The following IQGAP2 variants were observed in gnomAD, a reference collection of about 807,000 sequenced individuals.
IQGAP2 encodes the protein ras GTPase-activating-like protein IQGAP2.
A neutral mutation model predicts 201.3 loss-of-function variants in IQGAP2; 173 were observed. That is an observed-to-expected ratio of 0.86 (90% CI 0.76 to 0.98). The LOEUF (loss-of-function observed/expected upper bound fraction) is 0.98. Ranked by LOEUF, IQGAP2 falls within the 50% of genes least tolerant of loss-of-function variation. IQGAP2 has a pLI of 0.00. For synonymous variants in IQGAP2, 675 were observed against 673.9 expected (o/e 1.00, Z -0.03); for missense variants, 1,687 against 1,864.8 (o/e 0.90, Z 1.76).
At chr5:76,647,816 C>T (rs1481420320) in intron 17 of IQGAP2, among the ~76,000 whole-genome samples, 1 of 131,888 alleles carries the variant, frequency 7.6e-6, no homozygotes, top group East Asian at 2.1e-4. Context: ...TCTACTCTAG[C>T]CAAACACCAC....
chr5:76,575,402 G>A (rs900188617), intron 4 of IQGAP2, among the ~76,000 whole-genome samples: 2 of 152,106 alleles, frequency 1.3e-5, no homozygotes, highest in African/African-American at 4.8e-5. Flanking sequence ...GTGCTCATAT[G>A]CCCTATGAAA....
intron 13 of IQGAP2, chr5:76,618,422 T>G: frequency 6.2e-7 from 1 of 1,614,122 alleles, no homozygotes; most frequent in Non-Finnish European, 8.5e-7. Context: ...CAGGTATCAG[T>G]TTAGTACTTA....
chr5:76,633,235 T>C (rs1344916924), intron 15 of IQGAP2, among the ~76,000 whole-genome samples: 2 of 152,184 alleles, frequency 1.3e-5, no homozygotes, highest in Non-Finnish European at 2.9e-5. Flanking sequence ...TTCATTCTTC[T>C]GGGAAGAAAA....
chr5:76,534,310 A>G (rs1009789321), intron 2 of IQGAP2, among the ~76,000 whole-genome samples: 1 of 152,216 alleles, frequency 6.6e-6, no homozygotes, highest in African/African-American at 2.4e-5. Context: ...TCAAGGTTAG[A>G]TGACTTCTCA....
intron 9 of IQGAP2, among the ~76,000 whole-genome samples, chr5:76,593,845 T>G (rs1303722314): frequency 6.6e-6 from 1 of 152,220 alleles, no homozygotes; most frequent in Admixed American, 6.5e-5. Context: ...AATATTCTTT[T>G]TTGCTTGTAA....
chr5:76,637,259 T>C, intron 16 of IQGAP2, 83 bp downstream of exon 16: 4 of 1,126,410 alleles, frequency 3.6e-6, no homozygotes, highest in Non-Finnish European at 5.0e-6. Context: ...ATGGAAGTGA[T>C]GAGAGGAACT....
chr5:76,573,149 A>G (rs1003365995), intron 4 of IQGAP2, among the ~76,000 whole-genome samples: 1 of 152,230 alleles, frequency 6.6e-6, no homozygotes, highest in African/African-American at 2.4e-5. Context: ...ATTTAAACAG[A>G]ATTGTTTTGT....
At chr5:76,414,310 G>A (rs781491094) in intron 1 of IQGAP2, among the ~76,000 whole-genome samples, 3 of 152,086 alleles carry the variant, frequency 2.0e-5, no homozygotes, top group African/African-American at 7.2e-5. Context: ...TCAGCCTCAT[G>A]AAATATGACT....
At chr5:76,626,168 C>T (rs1244135819) in intron 13 of IQGAP2, among the ~76,000 whole-genome samples, 1 of 152,038 alleles carries the variant, frequency 6.6e-6, no homozygotes, top group Non-Finnish European at 1.5e-5. Flanking sequence ...ACACCTTTAC[C>T]ATAGGTTAAC....
In IQGAP2 at chr5:76,674,631, C is replaced by G; in HGVS notation, c.3449C>G (p.Ser1150Cys). 1.2e-6 allele frequency: 2 copies of G among 1,614,118 alleles called. No homozygotes were observed. Among genetic ancestry groups the G allele is most frequent in the Non-Finnish European group, 1.7e-6 (2 of 1,179,990 alleles). Reference protein sequence around the residue: ...SVAKVLQHAASNKLFEGENEH... With the variant: ...SVAKVLQHAACNKLFEGENEH... ...GCCAAGGTTCTTCAGCACGCAGCCTCCAACAAGCTGTTTGAAGGAGAAAAT... is the reference window on the plus strand; with the variant it reads ...GCCAAGGTTCTTCAGCACGCAGCCTGCAACAAGCTGTTTGAAGGAGAAAAT... Residue 1150 changes from serine (S) to cysteine (C), a missense_variant, in exon 27 of 36, where the codon TCC becomes TGC. Physicochemically the swap from Ser to Cys is moderately radical, Grantham distance 112 (BLOSUM62 -1). Transcript: ENST00000274364.
chr5:76,619,225 G>A (rs1749345940), intron 13 of IQGAP2, among the ~76,000 whole-genome samples: 1 of 152,184 alleles, frequency 6.6e-6, no homozygotes, highest in Admixed American at 6.5e-5. Context: ...TCGTGGAGAA[G>A]ATGCATAAAA....
chr5:76,490,312 C>A (rs1756462282), intron 2 of IQGAP2, among the ~76,000 whole-genome samples: 1 of 152,094 alleles, frequency 6.6e-6, no homozygotes, highest in Non-Finnish European at 1.5e-5. Flanking sequence ...AGGAATTTTA[C>A]CAGTGTGGGA....
At chr5:76,707,137 A>G in intron 35 of IQGAP2, 63 bp from the exon 36 acceptor site, 1 of 820,972 alleles carries the variant, frequency 1.2e-6, no homozygotes. Context: ...AATTCTTCTA[A>G]TATGTTTTTT....
At chr5:76,509,305 G>A (rs954475821) in intron 2 of IQGAP2, among the ~76,000 whole-genome samples, 1 of 151,944 alleles carries the variant, frequency 6.6e-6, no homozygotes, top group African/African-American at 2.4e-5. Context: ...GTTTATGATC[G>A]TATTGTTGAG....
At chr5:76,566,004 G>A (rs1744722124) in intron 3 of IQGAP2, among the ~76,000 whole-genome samples, 1 of 152,066 alleles carries the variant, frequency 6.6e-6, no homozygotes, top group Admixed American at 6.5e-5. Context: ...TCTAACAGGT[G>A]AATAAACATT....
At chr5:76,514,492 C>T (rs1418853979) in intron 2 of IQGAP2, among the ~76,000 whole-genome samples, 1 of 152,174 alleles carries the variant, frequency 6.6e-6, no homozygotes, top group Non-Finnish European at 1.5e-5. Flanking sequence ...TACCCACTCC[C>T]AGCCTGTCCT....
chr5:76,680,373 A>G (rs897878500), intron 28 of IQGAP2, among the ~76,000 whole-genome samples: 3 of 152,206 alleles, frequency 2.0e-5, no homozygotes, highest in Admixed American at 6.5e-5. Context: ...AGCTAAAACT[A>G]TAGATCTCTT....
chr5:76,591,452 G>C (rs1267660108), intron 8 of IQGAP2, among the ~76,000 whole-genome samples: 12 of 152,064 alleles, frequency 7.9e-5, no homozygotes, highest in African/African-American at 2.9e-4. Flanking sequence ...ATTTGTCTAC[G>C]CTGAGAGCTT....
chr5:76,581,381 A>G (rs181446048), intron 5 of IQGAP2, among the ~76,000 whole-genome samples: 16 of 152,364 alleles, frequency 1.1e-4, no homozygotes, highest in African/African-American at 3.8e-4. Context: ...AGCTCAAAGG[A>G]CAGGCTCTAA....
Sources: gnomAD v4.1 joint callset for allele counts (sites outside exome capture counted in the v4.1 genomes callset) on GRCh38, gnomAD v4.1.1 for gene constraint, MANE v1.5 for transcripts, NCBI Gene and HGNC (gene_info 2026-07-23, HGNC 2026-07-21) for gene names.